PDE4D: variants seen among roughly 807,000 people sequenced by gnomAD.
PDE4D encodes 3',5'-cyclic-AMP phosphodiesterase 4D.
Under a neutral mutation model 87.4 loss-of-function variants are expected in PDE4D, and 24 were observed. That is an observed-to-expected ratio of 0.27 (90% CI 0.20 to 0.39). The LOEUF (loss-of-function observed/expected upper bound fraction) is 0.39, where lower values mean the gene tolerates loss of function less well. Among genes scored for constraint, PDE4D ranks in the 10% least tolerant of loss-of-function variants. PDE4D has a pLI of 1.00. For synonymous variants in PDE4D, 384 were observed against 383.2 expected, an observed-to-expected ratio of 1.00 and a Z score of -0.02; for missense variants, 714 against 1,041.0, an observed-to-expected ratio of 0.69 and a Z score of 4.32.
chr5:59,179,494 G>A (rs1270333372), intron 5 of PDE4D, among the ~76,000 whole-genome samples: 1 of 152,160 alleles, frequency 6.6e-6, no homozygotes, highest in Non-Finnish European at 1.5e-5. Flanking sequence ...CCAATAATAT[G>A]TTGAAAGAGA....
At chr5:60,108,751 C>A (rs956479990) in intron 2 of PDE4D, among the ~76,000 whole-genome samples, 5 of 152,112 alleles carry the variant, frequency 3.3e-5, no homozygotes, top group Non-Finnish European at 7.4e-5. Flanking sequence ...GAAAAACAAG[C>A]AATGGGGAAA....
intron 1 of PDE4D, among the ~76,000 whole-genome samples, chr5:60,306,668 T>G (rs1383891810): frequency 1.3e-5 from 2 of 152,054 alleles, no homozygotes; most frequent in African/African-American, 4.8e-5. Flanking sequence ...TCACCAAATA[T>G]AGAAACAAGA....
At chr5:60,496,418 CT>C (rs1478703220) in intron 1 of PDE4D, among the ~76,000 whole-genome samples, 1 of 152,078 alleles carries the variant, frequency 6.6e-6, no homozygotes, top group Non-Finnish European at 1.5e-5. Context: ...TCAATATGGT[CT>C]TTTTCTGACA....
At chr5:59,260,432 T>G (rs1208594896) in intron 1 of PDE4D, among the ~76,000 whole-genome samples, 1 of 151,866 alleles carries the variant, frequency 6.6e-6, no homozygotes, top group African/African-American at 2.4e-5. Context: ...AGATTGCATG[T>G]GTAGTTACAT....
intron 3 of PDE4D, among the ~76,000 whole-genome samples, chr5:59,922,775 C>T (rs1275944756): frequency 4.6e-5 from 7 of 151,854 alleles, no homozygotes; most frequent in Non-Finnish European, 7.4e-5. Flanking sequence ...CCAGAACATT[C>T]CCAGCTGTAG....
At chr5:60,266,581 C>G (rs1207441390) in intron 1 of PDE4D, among the ~76,000 whole-genome samples, 1 of 152,192 alleles carries the variant, frequency 6.6e-6, no homozygotes, top group African/African-American at 2.4e-5. Context: ...CTGCAAAGGG[C>G]AGGAGACTAG....
chr5:59,750,068 T>C (rs1314653342), intron 1 of PDE4D, among the ~76,000 whole-genome samples: 1 of 149,386 alleles, frequency 6.7e-6, no homozygotes, highest in Non-Finnish European at 1.5e-5. Context: ...CTTCAAATGG[T>C]AGACAGAATT....
intron 1 of PDE4D, among the ~76,000 whole-genome samples, chr5:59,759,799 C>T (rs1205146364): frequency 6.6e-6 from 1 of 152,178 alleles, no homozygotes; most frequent in Non-Finnish European, 1.5e-5. Flanking sequence ...AAACTTGCTC[C>T]CCACCTTCTG....
chr5:59,815,820 C>G (rs564935836), intron 1 of PDE4D, among the ~76,000 whole-genome samples: 2 of 152,198 alleles, frequency 1.3e-5, no homozygotes, highest in Non-Finnish European at 2.9e-5. Context: ...TTCATTTCAG[C>G]CTAAGGAGAC....
At chr5:59,283,825 A>G (rs567216807) in intron 1 of PDE4D, among the ~76,000 whole-genome samples, 1 of 152,254 alleles carries the variant, frequency 6.6e-6, no homozygotes, top group South Asian at 2.1e-4. Flanking sequence ...TATAATTATT[A>G]TTTTATAACA....
chr5:59,753,037 T>C (rs960166817), intron 1 of PDE4D, among the ~76,000 whole-genome samples: 1 of 152,074 alleles, frequency 6.6e-6, no homozygotes, highest in African/African-American at 2.4e-5. Context: ...TGCACTACCG[T>C]GGTAGGGTTG....
chr5:59,858,013 C>T (rs944462639), intron 1 of PDE4D, among the ~76,000 whole-genome samples: 6 of 149,944 alleles, frequency 4.0e-5, no homozygotes, highest in South Asian at 4.3e-4. Flanking sequence ...AAGGAAGTAG[C>T]GAGGGAGGGA....
chr5:60,354,235 T>C (rs968899326), intron 1 of PDE4D, among the ~76,000 whole-genome samples: 1 of 152,204 alleles, frequency 6.6e-6, no homozygotes, highest in African/African-American at 2.4e-5. Flanking sequence ...ATTATTTAAG[T>C]TATACTGACT....
chr5:60,179,700 C>T (rs376413566), intron 2 of PDE4D, among the ~76,000 whole-genome samples: 1 of 152,004 alleles, frequency 6.6e-6, no homozygotes, highest in African/African-American at 2.4e-5. Flanking sequence ...AAGTGCTGAC[C>T]ATGGGAAACA....
chr5:59,370,030 G>A (rs112191558), intron 1 of PDE4D, among the ~76,000 whole-genome samples: 12 of 152,016 alleles, frequency 7.9e-5, no homozygotes, highest in East Asian at 5.8e-4. Context: ...GTAAAAATCC[G>A]TCATCAAACA....
At chr5:59,017,641 T>G (rs1294760813) in intron 6 of PDE4D, among the ~76,000 whole-genome samples, 1 of 145,656 alleles carries the variant, frequency 6.9e-6, no homozygotes, top group Non-Finnish European at 1.5e-5. Context: ...TATATTAGAA[T>G]AGACTACATC....
intron 1 of PDE4D, among the ~76,000 whole-genome samples, chr5:60,193,906 T>C (rs1047359582): frequency 6.6e-6 from 1 of 151,198 alleles, no homozygotes; most frequent in Non-Finnish European, 1.5e-5. Flanking sequence ...CTCCCTTACC[T>C]CCTTTCCCGC....
intron 1 of PDE4D, among the ~76,000 whole-genome samples, chr5:59,621,010 C>CTT (rs531970502): frequency 1.1e-3 from 158 of 148,232 alleles, no homozygotes; most frequent in African/African-American, 3.6e-3. Flanking sequence ...CTCATTTCCT[C>CTT]TTTTTTTTTT....
intron 1 of PDE4D, among the ~76,000 whole-genome samples, chr5:59,527,272 A>C (rs1813332387): frequency 6.6e-6 from 1 of 152,196 alleles, no homozygotes; most frequent in African/African-American, 2.4e-5. Flanking sequence ...TAAATTTGTA[A>C]AAATTGAATG....
Sources: allele counts gnomAD v4.1 joint callset (sites outside exome capture counted in the v4.1 genomes callset), GRCh38; gene constraint gnomAD v4.1.1; transcripts MANE v1.5; gene names NCBI Gene and HGNC (gene_info 2026-07-23, HGNC 2026-07-21).